The following GPR158 variants were observed in gnomAD, a reference collection of about 807,000 sequenced individuals.
The protein encoded by GPR158 is G protein-coupled receptor 158.
In GPR158, 30 loss-of-function variants were observed where a neutral mutation model predicts 78.2. The observed-to-expected ratio is 0.38, with a 90% CI of 0.29 to 0.52. The LOEUF (loss-of-function observed/expected upper bound fraction) is 0.52, where lower values mean the gene tolerates loss of function less well. Among genes scored for constraint, GPR158 ranks in the 20% least tolerant of loss-of-function variants. The pLI is 0.83. For missense variants in GPR158, 1,463 were observed against 1,523.5 expected (o/e 0.96, Z 0.66); for synonymous variants, 581 against 591.1 (o/e 0.98, Z 0.25).
intron 2 of GPR158, among the ~76,000 whole-genome samples, chr10:25,228,477 A>T (rs1853403306): frequency 6.6e-6 from 1 of 152,198 alleles, no homozygotes; most frequent in Non-Finnish European, 1.5e-5. Context: ...TGTGCTCCTT[A>T]AAATGAATAC....
intron 4 of GPR158, among the ~76,000 whole-genome samples, chr10:25,440,651 A>C (rs1035948801): frequency 6.6e-6 from 1 of 152,198 alleles, no homozygotes; most frequent in Non-Finnish European, 1.5e-5. Flanking sequence ...TATTAATCGC[A>C]AAGTGAAATC....
intron 1 of GPR158, among the ~76,000 whole-genome samples, chr10:25,183,576 ATACTTC>A (rs1209696818): frequency 6.6e-6 from 1 of 152,172 alleles, no homozygotes; most frequent in Non-Finnish European, 1.5e-5. Context: ...AAAGTTGCTA[ATACTTC>A]TATTTAATTG....
At chr10:25,183,038 C>T (rs1852632940) in intron 1 of GPR158, among the ~76,000 whole-genome samples, 1 of 152,192 alleles carries the variant, frequency 6.6e-6, no homozygotes, top group African/African-American at 2.4e-5. Context: ...TCATACGCAT[C>T]AGTGGGGCTT....
At chr10:25,249,980 C>T (rs1209558288) in intron 2 of GPR158, among the ~76,000 whole-genome samples, 4 of 144,906 alleles carry the variant, frequency 2.8e-5, no homozygotes, top group Non-Finnish European at 4.5e-5. Flanking sequence ...ATTATTGCCA[C>T]AATTTCAGCT....
At chr10:25,408,429 C>A (rs1017758476) in intron 3 of GPR158, among the ~76,000 whole-genome samples, 8 of 152,132 alleles carry the variant, frequency 5.3e-5, no homozygotes, top group African/African-American at 1.9e-4. Flanking sequence ...AATCCCTGTT[C>A]TTCCATCTTG....
intron 7 of GPR158, 78 bp downstream of exon 7, chr10:25,572,965 C>A: frequency 1.1e-6 from 1 of 872,470 alleles, no homozygotes; most frequent in Non-Finnish European, 2.0e-6. Flanking sequence ...AAAGTCTTGC[C>A]AGACTCTTTA....
intron 5 of GPR158, among the ~76,000 whole-genome samples, chr10:25,467,726 G>A (rs1835444863): frequency 6.6e-6 from 1 of 152,110 alleles, no homozygotes; most frequent in Admixed American, 6.5e-5. Flanking sequence ...GTGGAAAGTA[G>A]TAGCAGAGAA....
intron 6 of GPR158, among the ~76,000 whole-genome samples, chr10:25,553,955 A>T (rs1836756700): frequency 6.6e-6 from 1 of 152,200 alleles, no homozygotes. Context: ...GAATGTAGGT[A>T]AATATGTCAA....
rs1852510307 is a variant in GPR158, at chr10:25,175,388, CT to C, written c.-32del. On this transcript the variant is annotated 5_prime_UTR_variant, in exon 1 of 11. Transcript: ENST00000376351. The surrounding 1 kb of genome is among the most constrained non-coding windows in gnomAD (Gnocchi z 6.4). ...CAAATTTAAAAAGTGATTCCCCCCC[CT>C]CCCGTTCCCTCCTCTTCTCTCTGGG... 1 of 1,338,316 alleles carries C rather than the reference CT, an allele frequency of 7.5e-7. No individual in the cohort carries two copies. Among genetic ancestry groups the C allele is most frequent in the Non-Finnish European group, 1.0e-6 (1 of 973,906 alleles). 82.9% of individuals were successfully genotyped at this position (1,338,316 alleles called of 1,614,324 possible). A position where few individuals can be genotyped will look rare whatever the true frequency, so the allele number is the denominator to read the frequency against.
At chr10:25,541,025 C>T (rs533824235) in intron 5 of GPR158, among the ~76,000 whole-genome samples, 2 of 147,744 alleles carry the variant, frequency 1.4e-5, no homozygotes, top group East Asian at 2.0e-4. Flanking sequence ...AGGTATAGAC[C>T]ATGTGTACAA....
At chr10:25,192,359 A>G (rs768883508) in intron 1 of GPR158, among the ~76,000 whole-genome samples, 1 of 152,164 alleles carries the variant, frequency 6.6e-6, no homozygotes. Flanking sequence ...TAAGTTACCC[A>G]GTCTCGGGCA....
chr10:25,523,868 T>G (rs1249023068), intron 5 of GPR158, among the ~76,000 whole-genome samples: 1 of 152,078 alleles, frequency 6.6e-6, no homozygotes, highest in Non-Finnish European at 1.5e-5. Context: ...AGGCTTTTAC[T>G]TTAGAAAGGA....
chr10:25,252,032 TA>T (rs1853809692), intron 2 of GPR158, among the ~76,000 whole-genome samples: 1 of 151,366 alleles, frequency 6.6e-6, no homozygotes, highest in African/African-American at 2.4e-5. Flanking sequence ...CTTTTTTCTC[TA>T]AACTTCCCTT....
At position 25,564,267 on chromosome 10, in the gene GPR158, G is replaced by A. The variant is rs76920973; in HGVS notation, c.1515-8382G>A. 3.1e-3 allele frequency among the ~76,000 whole-genome samples: 465 copies of A among 152,258 alleles called. 3 individuals are homozygous for A. The highest frequency in any genetic ancestry group is 0.013 in the East Asian group (68 of 5,176). On this transcript the variant is annotated intron_variant, in intron 6 of 10. Transcript: ENST00000376351. Reference sequence around the variant, plus strand: ...TCCTGCATGTGCAGAGCCTGAGGTCGGCAGGAGATGAGAGCTTTGGGCCCT... The same window carrying A: ...TCCTGCATGTGCAGAGCCTGAGGTCAGCAGGAGATGAGAGCTTTGGGCCCT...
intron 2 of GPR158, among the ~76,000 whole-genome samples, chr10:25,313,941 C>T (rs7912186): frequency 0.013 from 1,964 of 152,116 alleles, 51 homozygotes; most frequent in African/African-American, 0.044. Flanking sequence ...TGTAATTATC[C>T]GATGAAACCA....
chr10:25,555,216 G>A (rs1235306598), intron 6 of GPR158, among the ~76,000 whole-genome samples: 2 of 152,072 alleles, frequency 1.3e-5, no homozygotes, highest in African/African-American at 2.4e-5. Context: ...CTCTTTTTTG[G>A]TTCCATATGA....
intron 5 of GPR158, among the ~76,000 whole-genome samples, chr10:25,473,467 C>A (rs1835538444): frequency 6.6e-6 from 1 of 152,148 alleles, no homozygotes; most frequent in African/African-American, 2.4e-5. Context: ...ATGCTGGCCT[C>A]ATAAAATGAG....
In GPR158 at chr10:25,218,858, ATT is replaced by A. The variant is rs56872059; in HGVS notation, c.903-2184_903-2183del. 3.2e-3 allele frequency among the ~76,000 whole-genome samples: 474 copies of A among 147,728 alleles called. 5 individuals are homozygous for A. The highest frequency in any genetic ancestry group is 4.0e-3 in the East Asian group (20 of 5,056). ...GGAAGTTGTTTTCCCCATGGAACTT[ATT>A]TTTTTTTTTGTATAGTATAATTTAA... is the stretch of plus-strand genomic sequence containing the variant. On this transcript the variant is annotated intron_variant, in intron 1 of 10. Coordinates refer to ENST00000376351, the MANE Select transcript of GPR158 (RefSeq NM_020752.3).
chr10:25,345,526 A>G (rs1855360795), intron 2 of GPR158, among the ~76,000 whole-genome samples: 1 of 151,986 alleles, frequency 6.6e-6, no homozygotes, highest in African/African-American at 2.4e-5. Flanking sequence ...GCAAGGAAAG[A>G]AGTAAAGGAT....
Sources: gnomAD v4.1 joint callset for allele counts (sites outside exome capture counted in the v4.1 genomes callset) on GRCh38, gnomAD v4.1.1 for gene constraint, Gnocchi (gnomAD v3.1) non-coding constraint, MANE v1.5 for transcripts, NCBI Gene and HGNC (gene_info 2026-07-23, HGNC 2026-07-21) for gene names.